The following DMD variants were observed in gnomAD, a reference collection of about 807,000 sequenced individuals.
DMD encodes dystrophin, also known as mutant dystrophin.
Under a neutral mutation model 330.1 loss-of-function variants are expected in DMD, and 63 were observed. That is an observed-to-expected ratio of 0.19 (90% confidence interval 0.16 to 0.24). DMD has a LOEUF of 0.24. DMD is among the 10% of genes least tolerant of loss of function. The probability of loss-of-function intolerance (pLI) is 1.00; values close to 1 mark genes in which losing one functional copy is unlikely to be tolerated. For synonymous variants in DMD, 1,223 were observed against 959.8 expected (o/e 1.27, Z -5.07); for missense variants, 3,344 against 2,684.1 (o/e 1.25, Z -5.43).
chrX:32,761,168 C>T (rs1603376050), intron 7 of DMD, among the ~76,000 whole-genome samples: 1 of 111,518 alleles, frequency 9.0e-6, no homozygotes, highest in Admixed American at 9.5e-5. Context: ...TTTTTTGCAG[C>T]GTCTATTTAA....
intron 47 of DMD, among the ~76,000 whole-genome samples, chrX:31,916,342 G>C (rs192094855): frequency 5.4e-5 from 6 of 112,069 alleles, no homozygotes; most frequent in Non-Finnish European, 9.4e-5. Flanking sequence ...TTACACTATT[G>C]GAGTTATTAC....
At chrX:33,007,928 T>C (rs971120464) in intron 2 of DMD, among the ~76,000 whole-genome samples, 1 of 111,609 alleles carries the variant, frequency 9.0e-6, no homozygotes. Context: ...GAAGACATTT[T>C]TTTTTCTTCA....
At chrX:31,277,699 G>C (rs1460147313) in intron 62 of DMD, among the ~76,000 whole-genome samples, 1 of 111,725 alleles carries the variant, frequency 9.0e-6, no homozygotes, top group East Asian at 2.8e-4. Context: ...TAAGAATGCA[G>C]CTTTCTGATG....
intron 1 of DMD, among the ~76,000 whole-genome samples, chrX:33,165,736 G>A (rs978794244): frequency 9.0e-6 from 1 of 111,417 alleles, no homozygotes; most frequent in Non-Finnish European, 1.9e-5. Flanking sequence ...AAGAAGTACC[G>A]GAACCAAATA....
At chrX:31,646,773 C>T (rs2080129153) in intron 54 of DMD, among the ~76,000 whole-genome samples, 1 of 112,111 alleles carries the variant, frequency 8.9e-6, no homozygotes, top group African/African-American at 3.2e-5. Flanking sequence ...TTCAATTCAG[C>T]GTGTCTCTAA....
chrX:33,022,170 T>C (rs916603674), intron 1 of DMD, among the ~76,000 whole-genome samples: 8 of 111,535 alleles, frequency 7.2e-5, no homozygotes, highest in African/African-American at 2.3e-4. Context: ...AATGAGTCAG[T>C]TGAAAGCATA....
chrX:32,733,423 T>A (rs1308194753), intron 7 of DMD, among the ~76,000 whole-genome samples: 2 of 110,221 alleles, frequency 1.8e-5, no homozygotes, highest in Non-Finnish European at 3.8e-5. Flanking sequence ...CTAATAGACA[T>A]CTACAGAACT....
At chrX:32,186,050 T>C (rs1480182142) in intron 44 of DMD, among the ~76,000 whole-genome samples, 2 of 110,906 alleles carry the variant, frequency 1.8e-5, no homozygotes, top group African/African-American at 3.3e-5. Flanking sequence ...AGAAGGCAAG[T>C]AAACTGACCT....
chrX:31,132,210 C>T (rs1338666243), intron 77 of DMD, among the ~76,000 whole-genome samples: 3 of 111,963 alleles, frequency 2.7e-5, no homozygotes, highest in Admixed American at 9.5e-5. Context: ...CCCAAGTTTC[C>T]ATACAAGTAA....
intron 44 of DMD, among the ~76,000 whole-genome samples, chrX:32,135,389 G>A (rs920990620): frequency 8.9e-6 from 1 of 112,582 alleles, no homozygotes; most frequent in East Asian, 2.8e-4. Context: ...AATCATTCTA[G>A]TAAGTTGTTT....
chrX:32,287,565 C>A lies in DMD; in HGVS notation c.6254G>T (p.Trp2085Leu). The change falls in exon 43 of 79, where the codon TGG (tryptophan) becomes TTG (leucine). Residue 2085 changes from tryptophan (W) to leucine (L), a missense_variant. Coordinates refer to ENST00000357033, the MANE Select transcript of DMD (RefSeq NM_004006.3). ...QEALSQLDFQ[W>L]EKVNKMYKDR... ...CTTGTACATTTTGTTAACTTTTTCC[C>A]ATTGGAAATCAAGCTGGGAGAGAGC... 8.3e-7 allele frequency: 1 copy of A among 1,211,034 alleles called. No homozygotes were observed. Among genetic ancestry groups the A allele is most frequent in the South Asian group, 1.8e-5 (1 of 56,899 alleles).
chrX:32,858,837 G>A (rs2081826431), intron 2 of DMD, among the ~76,000 whole-genome samples: 1 of 110,700 alleles, frequency 9.0e-6, no homozygotes, highest in African/African-American at 3.3e-5. Flanking sequence ...TAATTTTCCT[G>A]CCTGCAACTT....
chrX:32,255,656 C>T (rs1026920703), intron 43 of DMD, among the ~76,000 whole-genome samples: 1 of 111,901 alleles, frequency 8.9e-6, no homozygotes, highest in African/African-American at 3.2e-5. Flanking sequence ...ATTTTATTCT[C>T]GGCCTACATA....
intron 1 of DMD, among the ~76,000 whole-genome samples, chrX:33,090,821 A>C (rs965039240): frequency 9.0e-6 from 1 of 111,033 alleles, no homozygotes; most frequent in Admixed American, 9.7e-5. Flanking sequence ...GGATAATTTT[A>C]AGTAAAAAAA....
chrX:31,360,848 T>TA (rs1239795633), intron 60 of DMD, among the ~76,000 whole-genome samples: 1 of 112,297 alleles, frequency 8.9e-6, no homozygotes, highest in African/African-American at 3.2e-5. Flanking sequence ...ATCCCTACCA[T>TA]AGCTGGGGCA....
intron 60 of DMD, among the ~76,000 whole-genome samples, chrX:31,431,719 A>C (rs967551130): frequency 8.9e-6 from 1 of 111,977 alleles, no homozygotes; most frequent in Non-Finnish European, 1.9e-5. Flanking sequence ...ATGAAACTAG[A>C]AGCCTGTTCA....
chrX:33,247,226 G>A (rs1312176976), intron 1 of DMD, among the ~76,000 whole-genome samples: 1 of 111,402 alleles, frequency 9.0e-6, no homozygotes, highest in Non-Finnish European at 1.9e-5. Context: ...GCCAGGGGTT[G>A]ATAAACTAAC....
intron 9 of DMD, among the ~76,000 whole-genome samples, chrX:32,650,210 A>G (rs1353076796): frequency 8.9e-6 from 1 of 112,191 alleles, no homozygotes; most frequent in African/African-American, 3.2e-5. Context: ...TATCACTGAT[A>G]AAATGGATTT....
intron 2 of DMD, among the ~76,000 whole-genome samples, chrX:32,918,810 G>A (rs1310179767): frequency 8.9e-6 from 1 of 112,352 alleles, no homozygotes; most frequent in Non-Finnish European, 1.9e-5. Context: ...TAATTGGAAT[G>A]AGGAGAAGGA....
Sources: allele counts gnomAD v4.1 joint callset (sites outside exome capture counted in the v4.1 genomes callset), GRCh38; gene constraint gnomAD v4.1.1; transcripts MANE v1.5; gene names NCBI Gene and HGNC (gene_info 2026-07-23, HGNC 2026-07-21).